ADGRG6: variants seen among roughly 807,000 people sequenced by gnomAD.
The protein encoded by ADGRG6 is G-protein coupled receptor 126.
ADGRG6 carries 84 observed loss-of-function variants against 142.4 expected under a neutral mutation model. The observed-to-expected ratio is 0.59, with a 90% CI of 0.49 to 0.71. The LOEUF (loss-of-function observed/expected upper bound fraction) is 0.71, where lower values mean the gene tolerates loss of function less well. ADGRG6 is among the 30% of genes least tolerant of loss of function. The probability of loss-of-function intolerance (pLI) is 0.00; values close to 1 mark genes in which losing one functional copy is unlikely to be tolerated. For synonymous variants in ADGRG6, 521 were observed against 520.5 expected (o/e 1.00, Z -0.01); for missense variants, 1,367 against 1,466.6 (o/e 0.93, Z 1.11).
intron 2 of ADGRG6, among the ~76,000 whole-genome samples, chr6:142,334,432 G>A (rs1193178666): frequency 6.6e-6 from 1 of 152,168 alleles, no homozygotes; most frequent in Non-Finnish European, 1.5e-5. Context: ...ACAGATTATA[G>A]AAGTGCTGTT....
At chr6:142,427,864 A>C (rs1777025887) in intron 22 of ADGRG6, among the ~76,000 whole-genome samples, 1 of 152,140 alleles carries the variant, frequency 6.6e-6, no homozygotes, top group East Asian at 1.9e-4. Context: ...AGACTCATTC[A>C]CTATCACGAG....
intron 2 of ADGRG6, among the ~76,000 whole-genome samples, chr6:142,346,197 T>TG (rs1451978958): frequency 1.3e-5 from 2 of 152,208 alleles, no homozygotes; most frequent in Admixed American, 6.5e-5. Flanking sequence ...TTGAACCCAC[T>TG]GTAAGAGTAG....
At position 142,434,898 on chromosome 6, in the gene ADGRG6, C is replaced by T. The variant is rs185527464; in HGVS notation, c.3320-2536C>T. 4.2e-3 allele frequency among the ~76,000 whole-genome samples: 636 copies of T among 152,124 alleles called. 6 individuals are homozygous for T. The highest frequency in any genetic ancestry group is 0.015 in the African/African-American group (614 of 41,542). ...AGCTCCTTTTCTATAATAACATTTG[C>T]TAATAATGTAATTTATTCTGAAAAC... On this transcript the variant is annotated intron_variant, in intron 22 of 24. Coordinates refer to ENST00000367609, the MANE Select transcript of ADGRG6 (RefSeq NM_198569.3).
At chr6:142,432,966 A>G (rs985426780) in intron 22 of ADGRG6, among the ~76,000 whole-genome samples, 1 of 152,224 alleles carries the variant, frequency 6.6e-6, no homozygotes, top group African/African-American at 2.4e-5. Context: ...AGAACTAAAA[A>G]TCATTTGCTA....
chr6:142,364,257 A>T (rs991103808), intron 2 of ADGRG6, among the ~76,000 whole-genome samples: 2 of 152,170 alleles, frequency 1.3e-5, no homozygotes, highest in African/African-American at 4.8e-5. Context: ...TACTGTGTCT[A>T]GCTTAACTGA....
At chr6:142,336,770 A>C (rs897921844) in intron 2 of ADGRG6, among the ~76,000 whole-genome samples, 4 of 152,228 alleles carry the variant, frequency 2.6e-5, no homozygotes, top group African/African-American at 7.2e-5. Context: ...TATTGTCACT[A>C]TGCAGATGAG....
chr6:142,399,688 G>A (rs938372925), intron 10 of ADGRG6, among the ~76,000 whole-genome samples: 1 of 152,060 alleles, frequency 6.6e-6, no homozygotes, highest in Non-Finnish European at 1.5e-5. Context: ...AAAATAAAAG[G>A]CTAAAACCTA....
intron 4 of ADGRG6, among the ~76,000 whole-genome samples, chr6:142,374,622 G>A (rs1356426326): frequency 6.6e-6 from 1 of 152,118 alleles, no homozygotes; most frequent in East Asian, 1.9e-4. Context: ...GCTTTTAAAT[G>A]GGAATGCTGA....
chr6:142,413,059 C>T (rs941398428), intron 18 of ADGRG6, among the ~76,000 whole-genome samples: 1 of 148,918 alleles, frequency 6.7e-6, no homozygotes, highest in Non-Finnish European at 1.5e-5. Context: ...AGATAAGCAT[C>T]ATTCATGTTC....
chr6:142,437,938 T>C (rs1408806951), intron 23 of ADGRG6: 1 of 307,338 alleles, frequency 3.3e-6, no homozygotes, highest in African/African-American at 2.1e-5. Context: ...TCTTTTTTCT[T>C]TTCTTTATCT....
intron 2 of ADGRG6, among the ~76,000 whole-genome samples, chr6:142,336,852 C>T (rs544757529): frequency 6.6e-6 from 1 of 152,120 alleles, no homozygotes; most frequent in Non-Finnish European, 1.5e-5. Flanking sequence ...TGAGAAATGG[C>T]CCTGGGGCAA....
At chr6:142,432,038 A>G (rs1054369919) in intron 22 of ADGRG6, among the ~76,000 whole-genome samples, 2 of 152,216 alleles carry the variant, frequency 1.3e-5, no homozygotes, top group South Asian at 2.1e-4. Flanking sequence ...ACCGAGATCT[A>G]TAAGTAGATG....
intron 2 of ADGRG6, among the ~76,000 whole-genome samples, chr6:142,329,469 A>T (rs1179305329): frequency 1.3e-5 from 2 of 152,174 alleles, no homozygotes; most frequent in Non-Finnish European, 2.9e-5. Flanking sequence ...AAAGGGAAGA[A>T]AATAATTGTA....
At chr6:142,409,446 C>T (rs904577774) in intron 16 of ADGRG6, among the ~76,000 whole-genome samples, 1 of 152,008 alleles carries the variant, frequency 6.6e-6, no homozygotes, top group African/African-American at 2.4e-5. Context: ...CTTTTTGGCT[C>T]TTGTGAATAA....
intron 2 of ADGRG6, among the ~76,000 whole-genome samples, chr6:142,363,409 G>A (rs1780807966): frequency 6.6e-6 from 1 of 151,942 alleles, no homozygotes; most frequent in South Asian, 2.1e-4. Flanking sequence ...ATTAGGCTTT[G>A]GCGTGACTGG....
intron 4 of ADGRG6, among the ~76,000 whole-genome samples, chr6:142,376,050 A>G (rs1781481483): frequency 6.6e-6 from 1 of 152,188 alleles, no homozygotes; most frequent in Non-Finnish European, 1.5e-5. Flanking sequence ...TAAAAACGAA[A>G]TGTTTATTTA....
intron 6 of ADGRG6, among the ~76,000 whole-genome samples, chr6:142,387,335 G>A (rs1259433301): frequency 2.6e-5 from 4 of 152,118 alleles, no homozygotes; most frequent in African/African-American, 9.7e-5. Context: ...CTCTATTATT[G>A]TTCTAAAAAC....
Position 142,443,445 on chromosome 6 carries a change from A to G in ADGRG6, c.3683A>G (p.Asn1228Ser), listed in dbSNP as rs988266797. ...QVIDKVKGYCNAHSDNFYKNI... is the reference protein window; with the variant it reads ...QVIDKVKGYCSAHSDNFYKNI... ...ATTGATAAGGTCAAGGGTTATTGCAATGCTCATTCAGACAACTTCTATAAA... is the reference window on the plus strand; with the variant it reads ...ATTGATAAGGTCAAGGGTTATTGCAGTGCTCATTCAGACAACTTCTATAAA... Residue 1228 changes from asparagine (N) to serine (S), a missense_variant, in exon 25 of 25, where the codon AAT (asparagine) becomes AGT (serine). This residue lies in a region of ADGRG6 where 344 missense variants were observed against 348.7 expected (regional missense o/e 0.99). Coordinates refer to ENST00000367609, the MANE Select transcript of ADGRG6 (RefSeq NM_198569.3). 9 of 1,611,402 alleles carry G rather than the reference A, an allele frequency of 5.6e-6. No homozygotes were observed. Among genetic ancestry groups the G allele is most frequent in the Non-Finnish European group, 7.6e-6 (9 of 1,177,884 alleles).
At chr6:142,318,291 A>ATATTATATATATT (rs1778323079) in intron 2 of ADGRG6, among the ~76,000 whole-genome samples, 1 of 80,946 alleles carries the variant, frequency 1.2e-5, no homozygotes, top group African/African-American at 5.4e-5. Context: ...ATATATTTAT[A>ATATTATATATATT]TATTATATAT....
Sources: allele counts gnomAD v4.1 joint callset (sites outside exome capture counted in the v4.1 genomes callset), GRCh38; gene constraint gnomAD v4.1.1; regional missense constraint gnomAD v4.1.1; transcripts MANE v1.5; gene names NCBI Gene and HGNC (gene_info 2026-07-23, HGNC 2026-07-21).